The following ZZZ3 variants were observed in gnomAD, a reference collection of about 807,000 sequenced individuals.
ZZZ3 encodes zinc finger ZZ-type containing 3.
Under a neutral mutation model 95.2 loss-of-function variants are expected in ZZZ3, and 22 were observed. That is an observed-to-expected ratio of 0.23 (90% CI 0.17 to 0.33). ZZZ3 has a LOEUF of 0.33. ZZZ3 is among the 10% of genes least tolerant of loss of function. The probability of loss-of-function intolerance (pLI) is 1.00; values close to 1 mark genes in which losing one functional copy is unlikely to be tolerated. For missense variants in ZZZ3, 885 were observed against 1,066.5 expected, an observed-to-expected ratio of 0.83 and a Z score of 2.37; for synonymous variants, 335 against 358.9, an observed-to-expected ratio of 0.93 and a Z score of 0.75.
intron 1 of ZZZ3, among the ~76,000 whole-genome samples, chr1:77,647,041 A>G (rs1669341190): frequency 6.6e-6 from 1 of 152,232 alleles, no homozygotes; most frequent in Non-Finnish European, 1.5e-5. Flanking sequence ...AGGCAAGGGT[A>G]TGCCAGAAAA....
intron 4 of ZZZ3, among the ~76,000 whole-genome samples, chr1:77,637,102 T>C (rs577178983): frequency 5.9e-5 from 9 of 152,326 alleles, no homozygotes; most frequent in African/African-American, 1.7e-4. Context: ...AGGTGATTCA[T>C]GTATGTATTA....
rs1660704799 is a variant in ZZZ3, at chr1:77,565,044, T to TGC, written c.*594_*595dup. 1 of 152,674 alleles carries TGC rather than the reference T, an allele frequency of 6.5e-6. No individual in the cohort carries two copies. Among genetic ancestry groups the TGC allele is most frequent in the African/African-American group, 2.4e-5 (1 of 41,468 alleles). The allele number at this position is 152,674 out of a possible 1,614,324, so 9.5% of individuals were successfully genotyped here. On this transcript the variant is annotated 3_prime_UTR_variant, in exon 15 of 15. Coordinates refer to ENST00000370801, the MANE Select transcript of ZZZ3 (RefSeq NM_015534.6). ...GCAATGCCACAGTTGCCTCCTGTAGTGCTTCACTGTTGGTAATTAAGGACA... is the reference window on the plus strand; with the variant it reads ...GCAATGCCACAGTTGCCTCCTGTAGTGCGCTTCACTGTTGGTAATTAAGGACA...
At chr1:77,578,945 T>A in intron 10 of ZZZ3, 76 bp from the exon 11 acceptor site, 3 of 711,546 alleles carry the variant, frequency 4.2e-6, no homozygotes, top group Non-Finnish European at 6.3e-6. Flanking sequence ...AATTAAAACG[T>A]ACATGAGTAT....
chr1:77,644,363 C>T (rs1669071434), intron 1 of ZZZ3, among the ~76,000 whole-genome samples: 1 of 152,210 alleles, frequency 6.6e-6, no homozygotes, highest in Admixed American at 6.5e-5. Flanking sequence ...CCACGCCCAG[C>T]CCAGAAACAC....
chr1:77,612,387 C>T (rs756102320), intron 5 of ZZZ3, among the ~76,000 whole-genome samples: 12 of 151,962 alleles, frequency 7.9e-5, no homozygotes, highest in East Asian at 1.9e-4. Flanking sequence ...TATGGAAGTT[C>T]CTAAAGACAT....
Position 77,562,473 on chromosome 1 carries a change from C to G in ZZZ3, c.*3167G>C, listed in dbSNP as rs1264516791. 1 of 152,182 alleles carries G rather than the reference C, an allele frequency of 6.6e-6. No individual in the cohort carries two copies. The highest frequency in any genetic ancestry group is 2.4e-5 in the African/African-American group (1 of 41,428). The allele number at this position is 152,182 out of a possible 1,614,324, so 9.4% of individuals were successfully genotyped here. On this transcript the variant is annotated 3_prime_UTR_variant, in exon 15 of 15. Coordinates refer to ENST00000370801, the MANE Select transcript of ZZZ3 (RefSeq NM_015534.6). ...AACACATATTTATGATTGAAAAAGA[C>G]ATTTCACAAAACAATATTTATCTTT...
intron 1 of ZZZ3, among the ~76,000 whole-genome samples, chr1:77,657,617 A>G (rs1670388736): frequency 6.6e-6 from 1 of 152,222 alleles, no homozygotes; most frequent in South Asian, 2.1e-4. Context: ...TGGGGGTTAC[A>G]AATAAATTTT....
intron 13 of ZZZ3, among the ~76,000 whole-genome samples, chr1:77,567,719 A>G (rs1477349581): frequency 6.6e-6 from 1 of 152,244 alleles, no homozygotes; most frequent in Non-Finnish European, 1.5e-5. Context: ...AGCACTTAGC[A>G]AAGTGACTGG....
At position 77,581,513 on chromosome 1, in the gene ZZZ3, C is replaced by T. The variant is rs1662523323; in HGVS notation, c.1908+263G>A. On this transcript the variant is annotated intron_variant, in intron 8 of 14. Coordinates refer to ENST00000370801, the MANE Select transcript of ZZZ3 (RefSeq NM_015534.6). ...CATATACTACCTATTTAACCCTCAC[C>T]AACAACCCTACAAGATAGGTAATAT... 2.0e-5 allele frequency among the ~76,000 whole-genome samples: 3 copies of T among 152,254 alleles called. No individual in the cohort carries two copies. In the South Asian group the frequency reaches 6.2e-4, roughly 32 times the overall value.
In ZZZ3 at chr1:77,632,037, T is replaced by C. The variant is rs769892742; in HGVS notation, c.1318A>G (p.Ile440Val). The C allele has an allele frequency of 9.3e-6, 15 of 1,613,998 alleles. No homozygotes were observed. In the Admixed American group the frequency reaches 1.7e-4, roughly 18 times the overall value. The change falls in exon 5 of 15, where the codon ATA (isoleucine) becomes GTA (valine). Residue 440 changes from isoleucine (I) to valine (V), a missense_variant. By Grantham distance (29) the Ile-to-Val change is conservative. Coordinates refer to ENST00000370801, the MANE Select transcript of ZZZ3 (RefSeq NM_015534.6). Reference protein sequence around the residue: ...PGEISQNEKGICCDSQNNGSE... With the variant: ...PGEISQNEKGVCCDSQNNGSE... Reference sequence around the variant, plus strand: ...CCATTATTTTGAGAGTCACAACATATCCCTTTTTCATTTTGAGAAATTTCA... The same window carrying C: ...CCATTATTTTGAGAGTCACAACATACCCCTTTTTCATTTTGAGAAATTTCA...
chr1:77,644,470 T>TC lies in ZZZ3; in HGVS notation c.-402-2816dup, dbSNP rs1318145663. On this transcript the variant is annotated intron_variant, in intron 1 of 14. Coordinates refer to ENST00000370801, the MANE Select transcript of ZZZ3 (RefSeq NM_015534.6). Reference sequence around the variant, plus strand: ...AATCAAAGAAGAGTACATTTTCTGCTCAGAACCACATGTTCAGTGTCTTGG... The same window carrying TC: ...AATCAAAGAAGAGTACATTTTCTGCTCCAGAACCACATGTTCAGTGTCTTGG... Among the ~76,000 whole-genome samples the TC allele has an allele frequency of 3.3e-5, 5 of 152,344 alleles. No homozygotes were observed. The East Asian group carries it at 7.7e-4, about 23-fold the overall frequency.
chr1:77,573,480 T>C (rs999658966), intron 12 of ZZZ3, among the ~76,000 whole-genome samples: 6 of 152,160 alleles, frequency 3.9e-5, no homozygotes, highest in Non-Finnish European at 7.3e-5. Context: ...TCTCCTCCCA[T>C]AGACGAAAAT....
chr1:77,565,460 G>T lies in ZZZ3; in HGVS notation c.*180C>A. 5.3e-6 allele frequency: 3 copies of T among 561,306 alleles called. No individual in the cohort carries two copies. Among genetic ancestry groups the T allele is most frequent in the Non-Finnish European group, 9.0e-6 (3 of 334,474 alleles). The allele number at this position is 561,306 out of a possible 1,614,324, so 34.8% of individuals were successfully genotyped here. ...TGCTCACCAGGAATGTTCAGCTGCTGAACAGTGATCTAGAGCCACAACGGT... is the reference window on the plus strand; with the variant it reads ...TGCTCACCAGGAATGTTCAGCTGCTTAACAGTGATCTAGAGCCACAACGGT... On this transcript the variant is annotated 3_prime_UTR_variant, in exon 15 of 15. Coordinates refer to ENST00000370801, the MANE Select transcript of ZZZ3 (RefSeq NM_015534.6).
intron 1 of ZZZ3, among the ~76,000 whole-genome samples, chr1:77,661,885 T>C (rs572918318): frequency 3.8e-4 from 57 of 151,910 alleles, no homozygotes; most frequent in Admixed American, 2.6e-4. Context: ...GACACGATCA[T>C]AGCTCACTGC....
chr1:77,616,369 A>G (rs1666313519), intron 5 of ZZZ3, among the ~76,000 whole-genome samples: 1 of 152,240 alleles, frequency 6.6e-6, no homozygotes, highest in African/African-American at 2.4e-5. Context: ...AAGACTGTTA[A>G]GTAAATGTCC....
intron 1 of ZZZ3, among the ~76,000 whole-genome samples, chr1:77,662,398 C>A (rs1670880449): frequency 6.6e-6 from 1 of 152,102 alleles, no homozygotes; most frequent in Admixed American, 6.6e-5. Context: ...CCTCCCCTGG[C>A]CTCCCAAAGT....
intron 1 of ZZZ3, among the ~76,000 whole-genome samples, chr1:77,650,636 AATG>A (rs1669718853): frequency 6.6e-6 from 1 of 151,904 alleles, no homozygotes; most frequent in Non-Finnish European, 1.5e-5. Context: ...GGAAGGTCTC[AATG>A]ATGTCAGCTT....
chr1:77,628,240 T>C (rs918904512), intron 5 of ZZZ3, among the ~76,000 whole-genome samples: 1 of 152,210 alleles, frequency 6.6e-6, no homozygotes, highest in African/African-American at 2.4e-5. Context: ...TCTAACACTT[T>C]AACAGATTCT....
intron 8 of ZZZ3, 29 bp downstream of exon 8, chr1:77,581,747 C>T: frequency 6.6e-7 from 1 of 1,522,634 alleles, no homozygotes; most frequent in Non-Finnish European, 9.0e-7. Context: ...AATTCAAATT[C>T]TCCTACTCCA....
Sources: allele counts gnomAD v4.1 joint callset (sites outside exome capture counted in the v4.1 genomes callset), GRCh38; gene constraint gnomAD v4.1.1; transcripts MANE v1.5; gene names NCBI Gene and HGNC (gene_info 2026-07-23, HGNC 2026-07-21).